The following STX8 variants were observed in gnomAD, a reference collection of about 807,000 sequenced individuals.
STX8 encodes the protein syntaxin-8.
STX8 carries 23 observed loss-of-function variants against 37.5 expected under a neutral mutation model. That is an observed-to-expected ratio of 0.61 (90% CI 0.44 to 0.87). The LOEUF (loss-of-function observed/expected upper bound fraction) is 0.87, where lower values mean the gene tolerates loss of function less well. Among genes scored for constraint, STX8 ranks in the 40% least tolerant of loss-of-function variants. The pLI is 0.00. For synonymous variants in STX8, 115 were observed against 99.1 expected, an observed-to-expected ratio of 1.16 and a Z score of -0.95; for missense variants, 313 against 284.7, an observed-to-expected ratio of 1.10 and a Z score of -0.71.
intron 3 of STX8, among the ~76,000 whole-genome samples, chr17:9,546,411 T>C (rs1906511213): frequency 6.7e-6 from 1 of 150,112 alleles, no homozygotes; most frequent in Admixed American, 6.6e-5. Flanking sequence ...CAAACAACCA[T>C]CCTTCTGGGA....
intron 7 of STX8, among the ~76,000 whole-genome samples, chr17:9,333,445 T>A (rs946290781): frequency 6.6e-6 from 1 of 152,242 alleles, no homozygotes; most frequent in Non-Finnish European, 1.5e-5. Flanking sequence ...TGGAGTGCAG[T>A]GGCATGATCT....
At chr17:9,297,000 C>T (rs974561457) in intron 7 of STX8, among the ~76,000 whole-genome samples, 32 of 152,064 alleles carry the variant, frequency 2.1e-4, no homozygotes, top group African/African-American at 7.2e-4. Context: ...AATGAATTTA[C>T]TAGTTGCCTT....
intron 6 of STX8, among the ~76,000 whole-genome samples, chr17:9,464,315 A>G (rs927626804): frequency 6.6e-6 from 1 of 152,236 alleles, no homozygotes; most frequent in Admixed American, 6.5e-5. Context: ...TCTTTCAATT[A>G]TGACATGCAA....
intron 4 of STX8, among the ~76,000 whole-genome samples, chr17:9,509,262 C>A (rs1392075803): frequency 2.6e-5 from 4 of 151,912 alleles, no homozygotes; most frequent in East Asian, 1.9e-4. Context: ...AACAAACAAA[C>A]AACAATGACA....
intron 6 of STX8, among the ~76,000 whole-genome samples, chr17:9,456,126 C>T (rs138022241): frequency 1.3e-5 from 2 of 152,062 alleles, no homozygotes; most frequent in East Asian, 3.9e-4. Context: ...CAGAGAAGGC[C>T]CTCACTAGAT....
At chr17:9,259,990 G>A (rs984084911) in intron 7 of STX8, among the ~76,000 whole-genome samples, 4 of 152,092 alleles carry the variant, frequency 2.6e-5, no homozygotes, top group East Asian at 1.9e-4. Context: ...GGTCACGGCG[G>A]GTGGATTGCA....
In STX8 at chr17:9,308,721, CAA is replaced by C. The variant is rs1171647976; in HGVS notation, c.644-58078_644-58077del. Reference sequence around the variant, plus strand: ...CTGGAGGACAACAGTGAAACTCCGTCAAAAAAAAAAAAAAAAAAAAAAAGGAA... The same window carrying C: ...CTGGAGGACAACAGTGAAACTCCGTCAAAAAAAAAAAAAAAAAAAAAGGAA... On this transcript the variant is annotated intron_variant, in intron 7 of 7. Coordinates refer to ENST00000306357, the MANE Select transcript of STX8 (RefSeq NM_004853.3). Among the ~76,000 whole-genome samples, 456 of 71,354 alleles carry C rather than the reference CAA, an allele frequency of 6.4e-3. 2 individuals carry two copies. The highest frequency in any genetic ancestry group is 0.019 in the African/African-American group (421 of 22,054). 46.8% of individuals were successfully genotyped at this position (71,354 alleles called of 152,430 possible). A position where few individuals can be genotyped will look rare whatever the true frequency, so the allele number is the denominator to read the frequency against.
chr17:9,349,316 CTTTTT>C (rs61627405), intron 7 of STX8, among the ~76,000 whole-genome samples: 16 of 109,768 alleles, frequency 1.5e-4, no homozygotes, highest in African/African-American at 4.0e-4. Context: ...ATTTTCTTTT[CTTTTT>C]TTTTTTTTTT....
chr17:9,457,495 C>T (rs1249198498), intron 6 of STX8, among the ~76,000 whole-genome samples: 3 of 152,204 alleles, frequency 2.0e-5, no homozygotes, highest in Non-Finnish European at 2.9e-5. Context: ...TCAGAGAATC[C>T]AAAACTCTCT....
rs139886975 is a variant in STX8, at chr17:9,316,126, C to T, written c.643+62426G>A. On this transcript the variant is annotated intron_variant, in intron 7 of 7. Transcript: ENST00000306357. ...TACTGTAGGACATGCTCAAAGGACACGTGATGACTTGTCTAAGTTCAGATG... is the reference window on the plus strand; with the variant it reads ...TACTGTAGGACATGCTCAAAGGACATGTGATGACTTGTCTAAGTTCAGATG... 6.4e-3 allele frequency among the ~76,000 whole-genome samples: 973 copies of T among 152,104 alleles called. 35 individuals carry two copies. The highest frequency in any genetic ancestry group is 0.05 in the Admixed American group (762 of 15,268).
chr17:9,478,133 AAC>A (rs1473171994), intron 6 of STX8, among the ~76,000 whole-genome samples: 6 of 152,010 alleles, frequency 3.9e-5, no homozygotes, highest in Non-Finnish European at 8.8e-5. Context: ...AGAATATGAG[AAC>A]AGTTTTTTTT....
intron 4 of STX8, among the ~76,000 whole-genome samples, chr17:9,506,201 GCTCCT>G (rs140908988): frequency 0.024 from 3,639 of 151,950 alleles, 143 homozygotes; most frequent in African/African-American, 0.083. Flanking sequence ...CTCTCAAGTA[GCTCCT>G]CTCCTCTCCC....
At chr17:9,441,922 A>G (rs7213228) in intron 6 of STX8, among the ~76,000 whole-genome samples, 43,316 of 151,424 alleles carry the variant, frequency 0.29, 6,555 homozygotes, top group African/African-American at 0.37. Context: ...TGATCCGCCC[A>G]CCTCGGCCTC....
chr17:9,288,597 G>A (rs1216557739), intron 7 of STX8, among the ~76,000 whole-genome samples: 1 of 152,078 alleles, frequency 6.6e-6, no homozygotes, highest in Admixed American at 6.6e-5. Flanking sequence ...GGGAGGTGGA[G>A]CTTGCAGTGA....
intron 7 of STX8, among the ~76,000 whole-genome samples, chr17:9,324,103 C>G (rs1288754809): frequency 7.1e-6 from 1 of 141,302 alleles, no homozygotes; most frequent in Non-Finnish European, 1.5e-5. Flanking sequence ...CTCTCTCTCT[C>G]TCTCTGTCTC....
At chr17:9,443,283 A>G (rs898650984) in intron 6 of STX8, among the ~76,000 whole-genome samples, 8 of 152,198 alleles carry the variant, frequency 5.3e-5, no homozygotes, top group African/African-American at 1.9e-4. Context: ...GAAAGCAGCC[A>G]TAGGGCCTTC....
intron 5 of STX8, among the ~76,000 whole-genome samples, chr17:9,492,157 A>G (rs1450649869): frequency 6.6e-6 from 1 of 152,190 alleles, no homozygotes; most frequent in Non-Finnish European, 1.5e-5. Flanking sequence ...TAAGATTTGG[A>G]AACATGAACA....
At chr17:9,259,629 T>TGGC (rs1906932669) in intron 7 of STX8, among the ~76,000 whole-genome samples, 2 of 152,254 alleles carry the variant, frequency 1.3e-5, no homozygotes, top group South Asian at 4.1e-4. Context: ...GGCGGAATGC[T>TGGC]GGCGGCGGTC....
At chr17:9,505,741 G>A (rs929293857) in intron 4 of STX8, among the ~76,000 whole-genome samples, 6 of 152,076 alleles carry the variant, frequency 3.9e-5, no homozygotes, top group Non-Finnish European at 5.9e-5. Context: ...AGGAGTTCCA[G>A]ACCAGCCCGT....
Sources: gnomAD v4.1 joint callset for allele counts (sites outside exome capture counted in the v4.1 genomes callset) on GRCh38, gnomAD v4.1.1 for gene constraint, MANE v1.5 for transcripts, NCBI Gene and HGNC (gene_info 2026-07-23, HGNC 2026-07-21) for gene names.